Variants in CASP9 observed in about 807,000 individuals in gnomAD.
The protein encoded by CASP9 is caspase 9, also known as caspase-9.
A neutral mutation model predicts 43.5 loss-of-function variants in CASP9; 29 were observed. That is an observed-to-expected ratio of 0.67 (90% CI 0.50 to 0.91). CASP9 has a LOEUF of 0.91. Among genes scored for constraint, CASP9 ranks in the 40% least tolerant of loss-of-function variants. The probability of loss-of-function intolerance (pLI) is 0.00; values close to 1 mark genes in which losing one functional copy is unlikely to be tolerated. For missense variants in CASP9, 575 were observed against 537.4 expected (o/e 1.07, Z -0.69); for synonymous variants, 206 against 211.9 (o/e 0.97, Z 0.24).
In CASP9 at chr1:15,492,253, G is replaced by C. The variant is rs1708919810; in HGVS notation, c.*690C>G. 6.6e-6 allele frequency: 1 copy of C among 151,970 alleles called. No homozygotes were observed. Among genetic ancestry groups the C allele is most frequent in the Non-Finnish European group, 1.5e-5 (1 of 68,000 alleles). 9.4% of individuals were successfully genotyped at this position (151,970 alleles called of 1,614,324 possible). ...GAAGAAAGAGTTGGAGCAAAATGAG[G>C]GAAGAAATAGGCAAAAGAGAGTCCA... is the stretch of plus-strand genomic sequence containing the variant. On this transcript the variant is annotated 3_prime_UTR_variant, in exon 9 of 9. Coordinates refer to ENST00000333868, the MANE Select transcript of CASP9 (RefSeq NM_001229.5).
chr1:15,520,581 A>G (rs1294976847), intron 1 of CASP9, among the ~76,000 whole-genome samples: 1 of 152,246 alleles, frequency 6.6e-6, no homozygotes, highest in Non-Finnish European at 1.5e-5. Flanking sequence ...TCAGGCCCGC[A>G]TAAGGGCCGC....
chr1:15,523,848 A>G (rs4645989), intron 1 of CASP9, among the ~76,000 whole-genome samples: 46,905 of 152,142 alleles, frequency 0.31, 7,631 homozygotes, highest in East Asian at 0.58. Context: ...GATGTGTCTC[A>G]CATTTTTCCT....
At chr1:15,520,680 G>C (rs111886505) in intron 1 of CASP9, among the ~76,000 whole-genome samples, 1 of 152,204 alleles carries the variant, frequency 6.6e-6, no homozygotes. Context: ...CCTGCCAGGC[G>C]CGGTGGCTCA....
At chr1:15,520,270 T>C (rs1710130912) in intron 1 of CASP9, among the ~76,000 whole-genome samples, 1 of 152,170 alleles carries the variant, frequency 6.6e-6, no homozygotes, top group Admixed American at 6.5e-5. Flanking sequence ...GTAGTACAAC[T>C]GAGGAACTGA....
Position 15,493,124 on chromosome 1 carries a change from A to T in CASP9, c.1159-89T>A, listed in dbSNP as rs1193563419. 7.6e-6 allele frequency: 12 copies of T among 1,579,046 alleles called. No individual in the cohort carries two copies. In the Admixed American group the frequency reaches 2.2e-4, roughly 29 times the overall value. On this transcript the variant is annotated intron_variant, in intron 8 of 8. Transcript: ENST00000333868. Reference sequence around the variant, plus strand: ...GAGGGGCTGGGGGGAATGTCCACTCAACCCGCACCTTAAAAACAGCTCAAA... The same window carrying T: ...GAGGGGCTGGGGGGAATGTCCACTCTACCCGCACCTTAAAAACAGCTCAAA...
chr1:15,519,650 G>C (rs1710100914), intron 1 of CASP9, among the ~76,000 whole-genome samples: 1 of 152,180 alleles, frequency 6.6e-6, no homozygotes, highest in African/African-American at 2.4e-5. Flanking sequence ...GAGATACAAA[G>C]AGAGAGGGTC....
At chr1:15,496,380 C>A (rs1017150684) in intron 6 of CASP9, among the ~76,000 whole-genome samples, 3 of 152,108 alleles carry the variant, frequency 2.0e-5, no homozygotes, top group Non-Finnish European at 2.9e-5. Flanking sequence ...TCTGCTTTTG[C>A]CACTTCTATT....
intron 2 of CASP9, among the ~76,000 whole-genome samples, chr1:15,511,246 C>A (rs1175052520): frequency 6.6e-6 from 1 of 152,060 alleles, no homozygotes; most frequent in Non-Finnish European, 1.5e-5. Flanking sequence ...AACCTAGATA[C>A]CTTTTTGTTT....
At chr1:15,514,212 A>G (rs577763937) in intron 2 of CASP9, among the ~76,000 whole-genome samples, 2 of 152,192 alleles carry the variant, frequency 1.3e-5, no homozygotes, top group African/African-American at 2.4e-5. Flanking sequence ...ACCCTCAGCT[A>G]TAACAACCAG....
At chr1:15,506,796 T>A in intron 4 of CASP9, 103 bp downstream of exon 4, 2 of 981,814 alleles carry the variant, frequency 2.0e-6, no homozygotes, top group Non-Finnish European at 3.1e-6. Flanking sequence ...CCTCCAGATG[T>A]AAGGGCTCGC....
intron 4 of CASP9, 95 bp downstream of exon 4, chr1:15,506,804 C>T (rs972915562): frequency 2.1e-5 from 23 of 1,079,970 alleles, no homozygotes; most frequent in Admixed American, 8.0e-5. Context: ...TGTAAGGGCT[C>T]GCCTGGGGAG....
upstream of CASP9, chr1:15,524,695 C>T: frequency 9.5e-7 from 1 of 1,049,394 alleles, no homozygotes; most frequent in Non-Finnish European, 1.1e-6. Context: ...TTCAGGACGC[C>T]TCCGCGCCTC....
At chr1:15,505,013 A>G (rs1211517386) in intron 5 of CASP9, among the ~76,000 whole-genome samples, 1 of 152,170 alleles carries the variant, frequency 6.6e-6, no homozygotes, top group Non-Finnish European at 1.5e-5. Context: ...TGCGGCCTCT[A>G]GACCAGTGGT....
At chr1:15,497,107 T>C (rs569054602) in intron 6 of CASP9, among the ~76,000 whole-genome samples, 39 of 148,730 alleles carry the variant, frequency 2.6e-4, no homozygotes, top group African/African-American at 8.7e-4. Context: ...GTCAGGAGTT[T>C]GAAACAAGCC....
At chr1:15,494,884 AAAGAAGGAAGG>A (rs1157530552) in intron 7 of CASP9, among the ~76,000 whole-genome samples, 1 of 151,008 alleles carries the variant, frequency 6.6e-6, no homozygotes, top group Non-Finnish European at 1.5e-5. Context: ...AAAAAAAAAA[AAAGAAGGAAGG>A]AAACTACCGC....
upstream of CASP9, chr1:15,524,234 A>T: frequency 6.5e-7 from 1 of 1,528,470 alleles, no homozygotes; most frequent in Non-Finnish European, 8.7e-7. Flanking sequence ...AGGCCGCCTC[A>T]GTCCGCTTCC....
At chr1:15,523,264 T>G (rs1011051231) in intron 1 of CASP9, among the ~76,000 whole-genome samples, 1 of 152,252 alleles carries the variant, frequency 6.6e-6, no homozygotes, top group African/African-American at 2.4e-5. Context: ...CCCCGCTCTG[T>G]GCCTAGCACT....
At chr1:15,508,365 T>C (rs1209434237) in intron 2 of CASP9, among the ~76,000 whole-genome samples, 1 of 152,184 alleles carries the variant, frequency 6.6e-6, no homozygotes, top group African/African-American at 2.4e-5. Context: ...CTCGGCAGAA[T>C]TTCCCTTTTA....
At chr1:15,517,605 G>A (rs908771698) in intron 2 of CASP9, among the ~76,000 whole-genome samples, 2 of 152,096 alleles carry the variant, frequency 1.3e-5, no homozygotes, top group African/African-American at 4.8e-5. Context: ...TTTAATTTCC[G>A]TGAGCTTCAG....
Sources: allele counts gnomAD v4.1 joint callset (sites outside exome capture counted in the v4.1 genomes callset), GRCh38; gene constraint gnomAD v4.1.1; transcripts MANE v1.5; gene names NCBI Gene and HGNC (gene_info 2026-07-23, HGNC 2026-07-21).